The following FBN1 variants were observed in gnomAD, a reference collection of about 807,000 sequenced individuals.
FBN1 encodes fibrillin 1.
FBN1 carries 29 observed loss-of-function variants against 365.1 expected under a neutral mutation model. The observed-to-expected ratio is 0.08, with a 90% CI of 0.06 to 0.11. The LOEUF (loss-of-function observed/expected upper bound fraction) is 0.11, where lower values mean the gene tolerates loss of function less well. FBN1 is among the 10% of genes least tolerant of loss of function. The pLI, the probability that FBN1 is intolerant of heterozygous loss-of-function variation, is 1.00. For synonymous variants in FBN1, 1,210 were observed against 1,270.5 expected, an observed-to-expected ratio of 0.95 and a Z score of 1.01; for missense variants, 2,476 against 3,703.2, an observed-to-expected ratio of 0.67 and a Z score of 8.60.
At chr15:48,539,587 A>C (rs1397866426) in intron 6 of FBN1, among the ~76,000 whole-genome samples, 1 of 152,100 alleles carries the variant, frequency 6.6e-6, no homozygotes, top group Admixed American at 6.5e-5. Context: ...GAATTGAAAA[A>C]CCTTTTAATT....
At chr15:48,441,266 C>G (rs2043112449) in intron 50 of FBN1, among the ~76,000 whole-genome samples, 1 of 152,040 alleles carries the variant, frequency 6.6e-6, no homozygotes, top group Non-Finnish European at 1.5e-5. Context: ...TTTTTGTTTT[C>G]TTGGAGAATT....
intron 8 of FBN1, among the ~76,000 whole-genome samples, chr15:48,532,298 A>G (rs2043979231): frequency 6.6e-6 from 1 of 152,254 alleles, no homozygotes; most frequent in East Asian, 1.9e-4. Context: ...GAAGCTGATT[A>G]TATATTCTGA....
chr15:48,520,442 C>G lies in FBN1; in HGVS notation c.1147+217G>C, dbSNP rs563967125. 4.6e-5 allele frequency among the ~76,000 whole-genome samples: 7 copies of G among 152,248 alleles called. No homozygotes were observed. The South Asian group carries it at 1.2e-3, about 27-fold the overall frequency. On this transcript the variant is annotated intron_variant, in intron 10 of 65. Coordinates refer to ENST00000316623, the MANE Select transcript of FBN1 (RefSeq NM_000138.5). ...TTTCTGTTTAGTAGTAATAAGCCAG[C>G]TAAGTAAAAAGCAGTACCTGAAAAC...
intron 2 of FBN1, among the ~76,000 whole-genome samples, chr15:48,638,423 G>C (rs1263447738): frequency 6.6e-6 from 1 of 152,168 alleles, no homozygotes; most frequent in Admixed American, 6.5e-5. Context: ...TTAAGATTAA[G>C]AGCTCCAGCT....
intron 6 of FBN1, among the ~76,000 whole-genome samples, chr15:48,595,499 G>GA (rs1160105475): frequency 6.6e-6 from 1 of 152,058 alleles, no homozygotes; most frequent in African/African-American, 2.4e-5. Flanking sequence ...AAAGTTCAGG[G>GA]AAAAAAACTT....
At chr15:48,576,878 T>C (rs1377158060) in intron 6 of FBN1, among the ~76,000 whole-genome samples, 1 of 152,136 alleles carries the variant, frequency 6.6e-6, no homozygotes, top group Non-Finnish European at 1.5e-5. Flanking sequence ...GCAGAGAAGG[T>C]AGATAAGGGA....
chr15:48,418,367 A>T (rs988364130), intron 63 of FBN1, among the ~76,000 whole-genome samples: 2 of 152,166 alleles, frequency 1.3e-5, no homozygotes, highest in Non-Finnish European at 2.9e-5. Context: ...ACATTCTTTT[A>T]AATTTTATTT....
At chr15:48,479,246 A>C (rs919325166) in intron 32 of FBN1, among the ~76,000 whole-genome samples, 1 of 152,198 alleles carries the variant, frequency 6.6e-6, no homozygotes, top group Non-Finnish European at 1.5e-5. Flanking sequence ...TTTGCCCCAG[A>C]TTTTTAAAAA....
At chr15:48,553,450 G>A (rs2044158020) in intron 6 of FBN1, among the ~76,000 whole-genome samples, 1 of 152,208 alleles carries the variant, frequency 6.6e-6, no homozygotes, top group Non-Finnish European at 1.5e-5. Flanking sequence ...CCGGGAGACA[G>A]TAAAAGGTAA....
At chr15:48,421,890 A>G (rs2042945118) in intron 61 of FBN1, 62 bp downstream of exon 61, 2 of 1,383,082 alleles carry the variant, frequency 1.4e-6, no homozygotes, top group African/African-American at 2.8e-5. Context: ...CAGAGGAAAT[A>G]GAAAATAATC....
chr15:48,542,997 C>T (rs901276698), intron 6 of FBN1, among the ~76,000 whole-genome samples: 8 of 152,186 alleles, frequency 5.3e-5, no homozygotes. Flanking sequence ...CAGTATTTCT[C>T]AACTAGGACT....
chr15:48,622,470 C>T (rs1247782208), intron 2 of FBN1, among the ~76,000 whole-genome samples: 2 of 152,130 alleles, frequency 1.3e-5, no homozygotes, highest in Non-Finnish European at 2.9e-5. Flanking sequence ...GATGAAATTC[C>T]CCTTAAATTC....
chr15:48,481,615 AACT>A lies in FBN1; in HGVS notation c.3964+37_3964+39del, dbSNP rs777821942. ...TCTATAATTATGATACCAATCTCTT[AACT>A]ACTTAATATTTTATTGTTCTACTTG... On this transcript the variant is annotated intron_variant, in intron 32 of 65. Transcript: ENST00000316623. 4.0e-5 allele frequency: 64 copies of A among 1,606,874 alleles called. No individual in the cohort carries two copies. The African/African-American group carries it at 6.2e-4, about 15-fold the overall frequency.
intron 6 of FBN1, among the ~76,000 whole-genome samples, chr15:48,581,563 T>C (rs1433071349): frequency 6.6e-6 from 1 of 152,138 alleles, no homozygotes; most frequent in Non-Finnish European, 1.5e-5. Context: ...TAATATCCAC[T>C]TACAATTAAA....
chr15:48,515,182 A>C (rs1312137949), intron 12 of FBN1, among the ~76,000 whole-genome samples: 1 of 152,208 alleles, frequency 6.6e-6, no homozygotes, highest in African/African-American at 2.4e-5. Context: ...CACCAAAAGG[A>C]AGACAGCCCT....
chr15:48,456,843 CGTGTGT>C (rs3074895), intron 43 of FBN1, 81 bp from the exon 44 acceptor site: 89 of 744,532 alleles, frequency 1.2e-4, no homozygotes, highest in East Asian at 1.5e-4. Flanking sequence ...AAAGTGCGTG[CGTGTGT>C]GTGTGTGTGT....
intron 45 of FBN1, 64 bp from the exon 46 acceptor site, chr15:48,448,957 C>A (rs1407043822): frequency 1.5e-5 from 21 of 1,363,486 alleles, no homozygotes; most frequent in Non-Finnish European, 2.1e-5. Context: ...TAACTTACTT[C>A]TAGCTATCAT....
intron 53 of FBN1, among the ~76,000 whole-genome samples, chr15:48,435,666 A>ATGTGTGTGTGTGTGTGTG (rs3074870): frequency 7.8e-4 from 114 of 145,624 alleles, no homozygotes; most frequent in African/African-American, 2.9e-3. Context: ...GAGACCTAAA[A>ATGTGTGTGTGTGTGTGTG]TGTGTGTGTG....
intron 12 of FBN1, among the ~76,000 whole-genome samples, chr15:48,513,879 T>C (rs1183758399): frequency 1.3e-5 from 2 of 152,268 alleles, no homozygotes; most frequent in Admixed American, 1.3e-4. Context: ...TGTGTCATTT[T>C]GCAGAGAAAA....
Sources: allele counts gnomAD v4.1 joint callset (sites outside exome capture counted in the v4.1 genomes callset), GRCh38; gene constraint gnomAD v4.1.1; transcripts MANE v1.5; gene names NCBI Gene and HGNC (gene_info 2026-07-23, HGNC 2026-07-21).